CTNNBL1: variants seen among roughly 807,000 people sequenced by gnomAD.
CTNNBL1 encodes beta-catenin-like protein 1.
A neutral mutation model predicts 72.7 loss-of-function variants in CTNNBL1; 31 were observed. The observed-to-expected ratio is 0.43, with a 90% CI of 0.32 to 0.58. The LOEUF is 0.58. CTNNBL1 is among the 20% of genes least tolerant of loss of function. CTNNBL1 has a pLI of 0.08. For missense variants in CTNNBL1, 534 were observed against 725.1 expected, an observed-to-expected ratio of 0.74 and a Z score of 3.03; for synonymous variants, 240 against 267.3, an observed-to-expected ratio of 0.90 and a Z score of 1.00.
intron 13 of CTNNBL1, among the ~76,000 whole-genome samples, chr20:37,848,803 A>G (rs916905448): frequency 2.3e-4 from 35 of 151,918 alleles, no homozygotes; most frequent in Non-Finnish European, 5.9e-5. Flanking sequence ...CTCTCCCCCT[A>G]CCAAGCTCAT....
In CTNNBL1 at chr20:37,773,909, CTTTTTTTTTT is replaced by C. The variant is rs1176688817; in HGVS notation, c.751-3422_751-3413del. 5.7e-5 allele frequency among the ~76,000 whole-genome samples: 6 copies of C among 104,644 alleles called. 1 individual carries two copies. Among genetic ancestry groups the C allele is most frequent in the African/African-American group, 2.6e-4 (6 of 23,458 alleles). 68.7% of individuals were successfully genotyped at this position (104,644 alleles called of 152,430 possible). ...TTTTCTTCTTTTTCTTTCTTTCTCT[CTTTTTTTTTT>C]TTTTTTTTTTTTTGAGGCAGGGTCT... is the stretch of plus-strand genomic sequence containing the variant. On this transcript the variant is annotated intron_variant, in intron 7 of 15. Coordinates refer to ENST00000361383, the MANE Select transcript of CTNNBL1 (RefSeq NM_030877.5).
At chr20:37,787,199 A>G (rs2073682888) in intron 10 of CTNNBL1, among the ~76,000 whole-genome samples, 1 of 151,426 alleles carries the variant, frequency 6.6e-6, no homozygotes, top group Non-Finnish European at 1.5e-5. Flanking sequence ...ACAGGAGGCA[A>G]TCACAGTGCA....
chr20:37,774,025 A>G (rs1359832903), intron 7 of CTNNBL1, among the ~76,000 whole-genome samples: 1 of 145,508 alleles, frequency 6.9e-6, no homozygotes, highest in African/African-American at 2.6e-5. Flanking sequence ...TGATTTTCCA[A>G]CCTCAGCCTC....
chr20:37,850,348 C>G (rs1050041625), intron 13 of CTNNBL1, among the ~76,000 whole-genome samples: 1 of 152,172 alleles, frequency 6.6e-6, no homozygotes, highest in Non-Finnish European at 1.5e-5. Context: ...CCAGCTCTGC[C>G]ACACGTGATC....
chr20:37,854,042 C>T (rs1438770573), intron 13 of CTNNBL1, among the ~76,000 whole-genome samples: 1 of 152,122 alleles, frequency 6.6e-6, no homozygotes, highest in Non-Finnish European at 1.5e-5. Context: ...GAGCTATAGT[C>T]GTATCTCAGA....
chr20:37,802,662 G>T (rs1429711732), intron 10 of CTNNBL1, among the ~76,000 whole-genome samples: 4 of 152,116 alleles, frequency 2.6e-5, no homozygotes, highest in African/African-American at 9.7e-5. Context: ...GCTTCATAAA[G>T]AATTTTGAGT....
chr20:37,824,549 T>C (rs2072141091), intron 11 of CTNNBL1, among the ~76,000 whole-genome samples: 2 of 152,220 alleles, frequency 1.3e-5, no homozygotes, highest in Non-Finnish European at 2.9e-5. Context: ...GGAATTGCAA[T>C]TGATTGTTAG....
At chr20:37,768,675 C>A (rs2073493976) in intron 7 of CTNNBL1, among the ~76,000 whole-genome samples, 1 of 152,174 alleles carries the variant, frequency 6.6e-6, no homozygotes, top group Non-Finnish European at 1.5e-5. Context: ...AGAGAGAGAC[C>A]ACATTCACAA....
chr20:37,853,735 C>A (rs192374070), intron 13 of CTNNBL1, among the ~76,000 whole-genome samples: 3 of 152,188 alleles, frequency 2.0e-5, no homozygotes, highest in Admixed American at 2.0e-4. Flanking sequence ...TAGAGGACTG[C>A]CCACACTTTC....
At chr20:37,774,989 A>G (rs1447250714) in intron 7 of CTNNBL1, among the ~76,000 whole-genome samples, 1 of 152,040 alleles carries the variant, frequency 6.6e-6, no homozygotes, top group Non-Finnish European at 1.5e-5. Context: ...ACTGAGACTG[A>G]GAATGTTTCT....
chr20:37,736,388 C>T (rs1471303152), intron 2 of CTNNBL1, among the ~76,000 whole-genome samples: 3 of 152,102 alleles, frequency 2.0e-5, no homozygotes, highest in Non-Finnish European at 4.4e-5. Flanking sequence ...CAGAGTTTGA[C>T]CTTAAACAAT....
chr20:37,805,492 G>A (rs1230421565), intron 11 of CTNNBL1, among the ~76,000 whole-genome samples: 2 of 148,892 alleles, frequency 1.3e-5, no homozygotes, highest in Non-Finnish European at 1.5e-5. Flanking sequence ...TGCCTCCCAG[G>A]TTCAACCGAT....
intron 5 of CTNNBL1, among the ~76,000 whole-genome samples, chr20:37,760,174 T>C (rs2073403366): frequency 2.6e-5 from 4 of 152,220 alleles, no homozygotes; most frequent in Admixed American, 2.0e-4. Flanking sequence ...AATGGACTCT[T>C]TTCTGAAGAG....
chr20:37,789,940 G>A (rs2073708822), intron 10 of CTNNBL1, among the ~76,000 whole-genome samples: 2 of 152,194 alleles, frequency 1.3e-5, no homozygotes, highest in African/African-American at 4.8e-5. Flanking sequence ...GCAGCTTTGG[G>A]TTATGTAGCA....
intron 4 of CTNNBL1, chr20:37,749,728 A>G (rs1037337378): frequency 6.6e-6 from 1 of 152,150 alleles, no homozygotes; most frequent in Non-Finnish European, 1.5e-5. Context: ...ATTTTTCTTG[A>G]AAGTGATTTC....
intron 1 of CTNNBL1, among the ~76,000 whole-genome samples, chr20:37,701,503 G>A (rs1036137589): frequency 8.5e-5 from 13 of 152,182 alleles, no homozygotes; most frequent in Non-Finnish European, 1.3e-4. Context: ...ATGAATAAAA[G>A]TATTATGGGA....
intron 11 of CTNNBL1, among the ~76,000 whole-genome samples, chr20:37,824,712 C>T (rs1297546956): frequency 6.6e-6 from 1 of 152,224 alleles, no homozygotes; most frequent in African/African-American, 2.4e-5. Flanking sequence ...TCATTCTATT[C>T]TGCCATTTTT....
intron 15 of CTNNBL1, among the ~76,000 whole-genome samples, chr20:37,869,217 A>G (rs965682173): frequency 5.3e-5 from 8 of 152,206 alleles, no homozygotes; most frequent in Non-Finnish European, 1.2e-4. Flanking sequence ...CAAAGTAATA[A>G]AGAGGAACGG....
At chr20:37,859,843 T>C (rs1186211793) in intron 13 of CTNNBL1, 56 bp from the exon 14 acceptor site, 12 of 1,588,840 alleles carry the variant, frequency 7.6e-6, no homozygotes, top group Non-Finnish European at 1.0e-5. Flanking sequence ...TAGGAGTCCA[T>C]TCTTTCCTCC....
Sources: gnomAD v4.1 joint callset for allele counts (sites outside exome capture counted in the v4.1 genomes callset) on GRCh38, gnomAD v4.1.1 for gene constraint, MANE v1.5 for transcripts, NCBI Gene and HGNC (gene_info 2026-07-23, HGNC 2026-07-21) for gene names.